The following RGS12 variants were observed in gnomAD, a reference collection of about 807,000 sequenced individuals.
The protein encoded by RGS12 is regulator of G protein signaling 12.
A neutral mutation model predicts 120.1 loss-of-function variants in RGS12; 66 were observed. The ratio of observed to expected loss-of-function variants is 0.55; its 90% CI spans 0.45 to 0.67. The LOEUF (loss-of-function observed/expected upper bound fraction) is 0.67, where lower values mean the gene tolerates loss of function less well. RGS12 is among the 30% of genes least tolerant of loss of function. The probability of loss-of-function intolerance (pLI) is 0.00; values close to 1 mark genes in which losing one functional copy is unlikely to be tolerated. For missense variants in RGS12, 1,859 were observed against 1,957.7 expected (o/e 0.95, Z 0.95); for synonymous variants, 827 against 804.7 (o/e 1.03, Z -0.47).
chr4:3,373,995 C>T (rs6855619), intron 3 of RGS12, among the ~76,000 whole-genome samples: 57,742 of 152,172 alleles, frequency 0.38, 11,717 homozygotes, highest in African/African-American at 0.54. Context: ...GAGGTGTATC[C>T]TTCTCGGGCC....
In RGS12 at chr4:3,414,052, T is replaced by A; in HGVS notation, c.2021-20T>A. On this transcript the variant is annotated intron_variant, in intron 4 of 17. Coordinates refer to ENST00000336727, the MANE Select transcript of RGS12 (RefSeq NM_001394154.1). ...GGGCGGAGGGCAGGGGTGCAGGTGC[T>A]GTCTGTGCTGGTCCCGCAGAGTTGA... 1 of 1,530,964 alleles carries A rather than the reference T, an allele frequency of 6.5e-7. No individual in the cohort carries two copies. Among genetic ancestry groups the A allele is most frequent in the Non-Finnish European group, 8.8e-7 (1 of 1,139,552 alleles). 94.8% of individuals were successfully genotyped at this position (1,530,964 alleles called of 1,614,324 possible).
chr4:3,326,488 C>CT (rs1725563423), intron 2 of RGS12, among the ~76,000 whole-genome samples: 1 of 152,192 alleles, frequency 6.6e-6, no homozygotes, highest in Non-Finnish European at 1.5e-5. Flanking sequence ...CTCAAGCAAT[C>CT]TGCCTGCCTC....
chr4:3,309,184 C>T (rs368188960), intron 1 of RGS12, among the ~76,000 whole-genome samples: 4 of 4,850 alleles, frequency 8.2e-4, no homozygotes, highest in Non-Finnish European at 1.6e-3. Context: ...AGCTGGGACT[C>T]GGGAATGGCA....
At position 3,316,817 on chromosome 4, in the gene RGS12, A is replaced by G. The variant is rs764490973; in HGVS notation, c.647A>G (p.His216Arg). 2 of 1,614,190 alleles carry G rather than the reference A, an allele frequency of 1.2e-6. No individual in the cohort carries two copies. The highest frequency in any genetic ancestry group is 1.7e-5 in the Admixed American group (1 of 60,032). The change falls in exon 2 of 18, where the codon CAT becomes CGT. Residue 216 changes from histidine (H) to arginine (R), a missense_variant. His to Arg is a conservative substitution (Grantham distance 29, BLOSUM62 0). Around this residue, in one of 3 missense-constraint regions of RGS12, gnomAD observed 967 missense variants for 994.2 expected, o/e 0.97. Transcript: ENST00000336727. Reference protein sequence around the residue: ...DSVFSIGLESHDDFALDASIL... With the variant: ...DSVFSIGLESRDDFALDASIL... ...GTTTTCAGCATTGGACTAGAAAGTC[A>G]TGACGATTTTGCATTGGATGCAAGT...
chr4:3,367,625 C>T (rs1716452448), intron 3 of RGS12, among the ~76,000 whole-genome samples: 3 of 151,934 alleles, frequency 2.0e-5, no homozygotes, highest in Admixed American at 2.0e-4. Flanking sequence ...GCAGGGGGCT[C>T]ATCCCCGTCT....
chr4:3,310,143 A>G (rs1387976932), intron 1 of RGS12, among the ~76,000 whole-genome samples: 1 of 142,538 alleles, frequency 7.0e-6, no homozygotes, highest in Non-Finnish European at 1.5e-5. Flanking sequence ...GGGCCTGGGA[A>G]TGGCAGGTGT....
At chr4:3,342,538 C>T (rs1050424429) in intron 2 of RGS12, 5 of 1,293,684 alleles carry the variant, frequency 3.9e-6, no homozygotes, top group Admixed American at 2.3e-5. Flanking sequence ...AACCTGCCTT[C>T]ATCTTTACTA....
intron 4 of RGS12, among the ~76,000 whole-genome samples, chr4:3,411,088 C>T (rs1263356368): frequency 6.6e-6 from 1 of 152,178 alleles, no homozygotes; most frequent in Non-Finnish European, 1.5e-5. Context: ...AAAAGATCAT[C>T]CCACATTTTC....
In RGS12 at chr4:3,372,331, T is replaced by A. The variant is rs933392555; in HGVS notation, c.1999-14085T>A. Among the ~76,000 whole-genome samples, 5 of 152,132 alleles carry A rather than the reference T, an allele frequency of 3.3e-5. No homozygotes were observed. On this transcript the variant is annotated intron_variant, in intron 3 of 17. Coordinates refer to ENST00000336727, the MANE Select transcript of RGS12 (RefSeq NM_001394154.1). The surrounding 1 kb of genome is among the most constrained non-coding windows in gnomAD (Gnocchi z 4.3). ...CGGCCGTTCAGCCAGCCTGTGGCTG[T>A]CACAGGGTCCTGGGTGGGACTTTCC... is the stretch of plus-strand genomic sequence containing the variant.
chr4:3,317,268 C>A lies in RGS12; in HGVS notation c.1098C>A (p.Asp366Glu). The A allele has an allele frequency of 6.2e-7, 1 of 1,614,182 alleles. No homozygotes were observed. The highest frequency in any genetic ancestry group is 1.3e-5 in the African/African-American group (1 of 75,062). ...ARRFGFECTADPDTNGCLEFP... is the reference protein window; with the variant it reads ...ARRFGFECTAEPDTNGCLEFP... ...GGTTTGGGTTTGAGTGCACGGCCGA[C>A]CCAGACACCAATGGCTGTCTGGAAT... Residue 366 changes from aspartate to glutamate, a missense_variant, in exon 2 of 18, where the codon GAC (aspartate) becomes GAA (glutamate). By Grantham distance (45) the Asp-to-Glu change is conservative (BLOSUM62 2). This residue lies in a region of RGS12 where 967 missense variants were observed against 994.2 expected (regional missense o/e 0.97). Coordinates refer to ENST00000336727, the MANE Select transcript of RGS12 (RefSeq NM_001394154.1).
At chr4:3,310,222 G>A (rs1247832390) in intron 1 of RGS12, among the ~76,000 whole-genome samples, 6 of 146,200 alleles carry the variant, frequency 4.1e-5, no homozygotes, top group Admixed American at 1.4e-4. Flanking sequence ...GAGGGGAACC[G>A]TGTGGGGGAG....
intron 2 of RGS12, among the ~76,000 whole-genome samples, chr4:3,323,560 T>C (rs1725349145): frequency 6.6e-6 from 1 of 152,242 alleles, no homozygotes; most frequent in Admixed American, 6.5e-5. Flanking sequence ...TAGTTATATA[T>C]CAATTTTAAA....
chr4:3,363,798 ACCC>A (rs1715989599), intron 3 of RGS12, among the ~76,000 whole-genome samples: 1 of 151,870 alleles, frequency 6.6e-6, no homozygotes, highest in Non-Finnish European at 1.5e-5. Context: ...GGCAGACAGA[ACCC>A]CTGGGACCCA....
At position 3,317,541 on chromosome 4, in the gene RGS12, G is replaced by A; in HGVS notation, c.1371G>A (p.Trp457Ter). Residue 457 changes from tryptophan (W) to a stop codon, truncating the protein, a stop_gained, in exon 2 of 18, where the codon TGG (tryptophan) becomes TGA (stop). Coordinates refer to ENST00000336727, the MANE Select transcript of RGS12 (RefSeq NM_001394154.1). LOFTEE classifies it high-confidence loss of function. The stretch of plus-strand genomic sequence containing the variant: ...GACACGGCCCCGGAGGCAGCGCGTG[G>A]GACGGTGTGGGTGGGAGGGGTGCCC... ...SSRHGPGGSAWDGVGGRGAQP... is the reference protein window; with the variant it reads ...SSRHGPGGSA The A allele has an allele frequency of 6.2e-7, 1 of 1,610,384 alleles. No homozygotes were observed. Among genetic ancestry groups the A allele is most frequent in the Non-Finnish European group, 8.5e-7 (1 of 1,179,496 alleles).
the RGS12 span, among the ~76,000 whole-genome samples, chr4:3,287,536 G>T: frequency 6.6e-6 from 1 of 152,186 alleles, no homozygotes; most frequent in Non-Finnish European, 1.5e-5. Flanking sequence ...GCCCCTGCCC[G>T]CTGGCCTTTG....
rs143715425 is a variant in RGS12 at position 3,362,000 on chromosome 4, C to T, written c.1998+18947C>T. ...GGAAGTCAGTGTTGGGAGCCAGGAG[C>T]CAGCGTGTAGCGCTCCCCCTCGTCA... On this transcript the variant is annotated intron_variant, in intron 3 of 17. Coordinates refer to ENST00000336727, the MANE Select transcript of RGS12 (RefSeq NM_001394154.1). 5.9e-4 allele frequency among the ~76,000 whole-genome samples: 90 copies of T among 152,334 alleles called. 1 individual carries two copies. The highest frequency in any genetic ancestry group is 1.1e-3 in the Non-Finnish European group (75 of 68,028).
intron 2 of RGS12, among the ~76,000 whole-genome samples, chr4:3,318,320 G>A (rs1724947878): frequency 1.3e-5 from 2 of 152,198 alleles, no homozygotes; most frequent in African/African-American, 4.8e-5. Flanking sequence ...AGGACTGGTG[G>A]TGGCGAGAGG....
At position 3,390,836 on chromosome 4, in the gene RGS12, C is replaced by T. The variant is rs1030505019; in HGVS notation, c.2020+4399C>T. 9.2e-5 allele frequency among the ~76,000 whole-genome samples: 14 copies of T among 152,142 alleles called. No individual in the cohort carries two copies. Among genetic ancestry groups the T allele is most frequent in the African/African-American group, 3.1e-4 (13 of 41,418 alleles). On this transcript the variant is annotated intron_variant, in intron 4 of 17. Coordinates refer to ENST00000336727, the MANE Select transcript of RGS12 (RefSeq NM_001394154.1). The surrounding 1 kb of genome is among the most constrained non-coding windows in gnomAD (Gnocchi z 4.6). ...GATGGGGGAGGGTTACCGTAATTGC[C>T]GGATTAACTTGGGGGACTTTAAACT...
intron 17 of RGS12, chr4:3,432,009 C>T (rs796908416): frequency 1.0e-6 from 1 of 985,446 alleles, no homozygotes; most frequent in South Asian, 4.7e-5. Context: ...CCAGGACACG[C>T]CTGGATGAGA....
Sources: allele counts gnomAD v4.1 joint callset (sites outside exome capture counted in the v4.1 genomes callset), GRCh38; gene constraint gnomAD v4.1.1; regional missense constraint gnomAD v4.1.1; non-coding constraint Gnocchi (gnomAD v3.1); transcripts MANE v1.5; gene names NCBI Gene and HGNC (gene_info 2026-07-23, HGNC 2026-07-21).